Variants in CGGBP1 observed in about 807,000 individuals in gnomAD.
CGGBP1 encodes CGG triplet repeat-binding protein 1.
CGGBP1 carries 4 observed loss-of-function variants against 11.4 expected under a neutral mutation model. The observed-to-expected ratio is 0.35, with a 90% confidence interval of 0.17 to 0.80. The LOEUF (loss-of-function observed/expected upper bound fraction) is 0.80, where lower values mean the gene tolerates loss of function less well. CGGBP1 is among the 30% of genes least tolerant of loss of function. CGGBP1 has a pLI of 0.52. For missense variants in CGGBP1, 135 were observed against 202.1 expected (o/e 0.67, Z 2.01); for synonymous variants, 76 against 74.1 (o/e 1.03, Z -0.13).
chr3:88,056,018 C>T lies in CGGBP1; in HGVS notation c.-23-19G>A. 1 of 1,528,058 alleles carries T rather than the reference C, an allele frequency of 6.5e-7. No homozygotes were observed. The highest frequency in any genetic ancestry group is 8.9e-7 in the Non-Finnish European group (1 of 1,129,386). 94.7% of individuals were successfully genotyped at this position (1,528,058 alleles called of 1,614,324 possible). A position where few individuals can be genotyped will look rare whatever the true frequency, so the allele number is the denominator to read the frequency against. On this transcript the variant is annotated intron_variant, in intron 3 of 3. Coordinates refer to ENST00000482016, the MANE Select transcript of CGGBP1 (RefSeq NM_001008390.2). ...TATGGTTCTTTCAAGACAAAAGAAA[C>T]AAAGATGAGTATTATAACAACAGTT...
intron 2 of CGGBP1, among the ~76,000 whole-genome samples, chr3:88,099,387 A>G (rs1704263455): frequency 6.6e-6 from 1 of 152,202 alleles, no homozygotes; most frequent in Non-Finnish European, 1.5e-5. Flanking sequence ...ATATTGTGAA[A>G]ACGGCCATAC....
At chr3:88,138,666 G>GA (rs936754036) in intron 2 of CGGBP1, 4 of 1,191,052 alleles carry the variant, frequency 3.4e-6, no homozygotes, top group African/African-American at 3.1e-5. Flanking sequence ...CATTTTTTTG[G>GA]AAAAAAAGTA....
intron 2 of CGGBP1, among the ~76,000 whole-genome samples, chr3:88,064,368 A>G (rs900130616): frequency 6.6e-6 from 1 of 152,112 alleles, no homozygotes. Flanking sequence ...CACTTTGATT[A>G]TACCCCGTTT....
upstream of CGGBP1, chr3:88,059,226 G>C (rs1161181774): frequency 3.3e-6 from 5 of 1,499,446 alleles, no homozygotes; most frequent in Non-Finnish European, 4.4e-6. Context: ...GGAGGGAAGG[G>C]GGAGGGAACT....
chr3:88,088,171 A>G (rs945809821), intron 2 of CGGBP1, among the ~76,000 whole-genome samples: 2 of 152,218 alleles, frequency 1.3e-5, no homozygotes, highest in Non-Finnish European at 2.9e-5. Context: ...CAGTGAGACT[A>G]CTAGCTAATT....
At chr3:88,085,044 A>G (rs1331863694) in intron 2 of CGGBP1, among the ~76,000 whole-genome samples, 1 of 152,216 alleles carries the variant, frequency 6.6e-6, no homozygotes, top group Admixed American at 6.5e-5. Context: ...GCTTCCTATA[A>G]ATATCTTTGA....
chr3:88,056,772 T>C (rs1311224198), intron 3 of CGGBP1: 2 of 152,218 alleles, frequency 1.3e-5, no homozygotes, highest in Non-Finnish European at 2.9e-5. Flanking sequence ...ACATAGAGTC[T>C]AGTATACAGC....
rs558158414 is a variant in CGGBP1 at position 88,076,050 on chromosome 3, G to T, written c.-228-17827C>A. ...ATGGCACAATGCCATACTGTATGTTGTCGTTTGTGGTAACTATTCATCTGA... is the reference window on the plus strand; with the variant it reads ...ATGGCACAATGCCATACTGTATGTTTTCGTTTGTGGTAACTATTCATCTGA... On this transcript the variant is annotated intron_variant, in intron 2 of 3. Transcript: ENST00000462901. 2.0e-5 allele frequency among the ~76,000 whole-genome samples: 3 copies of T among 152,276 alleles called. No homozygotes were observed. The East Asian group carries it at 5.8e-4, about 29-fold the overall frequency.
chr3:88,093,919 C>G (rs112693834), intron 2 of CGGBP1, among the ~76,000 whole-genome samples: 1,581 of 152,238 alleles, frequency 0.01, 22 homozygotes, highest in African/African-American at 0.036. Context: ...TTGCCCATCT[C>G]CACAGCATCT....
intron 2 of CGGBP1, among the ~76,000 whole-genome samples, chr3:88,113,484 C>T (rs192308023): frequency 1.3e-5 from 2 of 152,266 alleles, no homozygotes; most frequent in African/African-American, 4.8e-5. Context: ...AAAAACGATT[C>T]TTCTTTGCCA....
intron 2 of CGGBP1, among the ~76,000 whole-genome samples, chr3:88,075,172 T>A (rs1339075968): frequency 6.6e-6 from 1 of 152,226 alleles, no homozygotes; most frequent in Non-Finnish European, 1.5e-5. Context: ...TTCCTGGCAC[T>A]CCTTGTGCTG....
chr3:88,089,422 C>T (rs1483667660), intron 2 of CGGBP1, among the ~76,000 whole-genome samples: 3 of 151,018 alleles, frequency 2.0e-5, no homozygotes, highest in East Asian at 2.0e-4. Context: ...ACCCAGGAGG[C>T]GGAGGTTGCA....
rs544186447 is a variant in CGGBP1 at position 88,122,184 on chromosome 3, G to A, written c.-229+18786C>T. Among the ~76,000 whole-genome samples, 20 of 152,222 alleles carry A rather than the reference G, an allele frequency of 1.3e-4. No homozygotes were observed. In the South Asian group the frequency reaches 3.5e-3, roughly 27 times the overall value. On this transcript the variant is annotated intron_variant, in intron 2 of 3. Coordinates refer to the CGGBP1 transcript ENST00000462901. ...TTGTGTAAAGATAGGATTTAGATAC[G>A]TTCATGGAAGTTGTAGGAGAATGAC...
In CGGBP1 at chr3:88,055,331, T is replaced by G. The variant is rs1051158656; in HGVS notation, c.*142A>C. On this transcript the variant is annotated 3_prime_UTR_variant, in exon 4 of 4. Coordinates refer to ENST00000482016, the MANE Select transcript of CGGBP1 (RefSeq NM_001008390.2). The surrounding 1 kb of genome is among the most constrained non-coding windows in gnomAD (Gnocchi z 4.2). ...GTTTTGCAGTGAGGTGGTTTTTTTTTTGCCTGCAACTATATACACATTGCA... is the reference window on the plus strand; with the variant it reads ...GTTTTGCAGTGAGGTGGTTTTTTTTGTGCCTGCAACTATATACACATTGCA... 6.9e-6 allele frequency: 5 copies of G among 725,630 alleles called. No homozygotes were observed. The highest frequency in any genetic ancestry group is 1.0e-5 in the Non-Finnish European group (5 of 494,054). 44.9% of individuals were successfully genotyped at this position (725,630 alleles called of 1,614,324 possible).
rs1389376196 is a variant in CGGBP1, at chr3:88,123,539, C to T, written c.-229+17431G>A. On this transcript the variant is annotated intron_variant, in intron 2 of 3. Coordinates refer to the CGGBP1 transcript ENST00000462901. ...GGGAGTTGTTAAATATTCAAATTAT[C>T]AGGGCTTTCCCCTAGAAATTCTGAT... is the stretch of plus-strand genomic sequence containing the variant. Among the ~76,000 whole-genome samples the T allele has an allele frequency of 2.6e-5, 4 of 152,234 alleles. No individual in the cohort carries two copies. In the East Asian group the frequency reaches 5.8e-4, roughly 22 times the overall value.
chr3:88,108,097 T>A (rs1439182758), intron 2 of CGGBP1, among the ~76,000 whole-genome samples: 1 of 152,152 alleles, frequency 6.6e-6, no homozygotes, highest in Non-Finnish European at 1.5e-5. Context: ...CCTGGAGATA[T>A]TACTAGCTTG....
Position 88,053,544 on chromosome 3 carries a change from T to C in CGGBP1, c.*1929A>G, listed in dbSNP as rs1706475546. ...CATCCAGTTTACTGCTTAGGACCAC[T>C]CTCAAAGCTGATCTGCCATTACATT... On this transcript the variant is annotated 3_prime_UTR_variant, in exon 4 of 4. Coordinates refer to ENST00000482016, the MANE Select transcript of CGGBP1 (RefSeq NM_001008390.2). 1 of 152,244 alleles carries C rather than the reference T, an allele frequency of 6.6e-6. No homozygotes were observed. Among genetic ancestry groups the C allele is most frequent in the Non-Finnish European group, 1.5e-5 (1 of 67,980 alleles). 9.4% of individuals were successfully genotyped at this position (152,244 alleles called of 1,614,324 possible).
At chr3:88,092,708 G>A (rs1466607491) in intron 2 of CGGBP1, among the ~76,000 whole-genome samples, 1 of 152,054 alleles carries the variant, frequency 6.6e-6, no homozygotes. Context: ...ATAATTTAAG[G>A]AGATTATGTC....
intron 2 of CGGBP1, among the ~76,000 whole-genome samples, chr3:88,065,781 A>G (rs1368565570): frequency 6.6e-6 from 1 of 152,040 alleles, no homozygotes; most frequent in Non-Finnish European, 1.5e-5. Flanking sequence ...GCTGGAGTGC[A>G]GTGTTTGCCA....
Sources: gnomAD v4.1 joint callset for allele counts (sites outside exome capture counted in the v4.1 genomes callset) on GRCh38, gnomAD v4.1.1 for gene constraint, Gnocchi (gnomAD v3.1) non-coding constraint, MANE v1.5 for transcripts, NCBI Gene and HGNC (gene_info 2026-07-23, HGNC 2026-07-21) for gene names.